The following ACVR1B variants were observed in gnomAD, a reference collection of about 807,000 sequenced individuals.
The protein encoded by ACVR1B is activin A receptor type 1B.
ACVR1B carries 15 observed loss-of-function variants against 55.6 expected under a neutral mutation model. The observed-to-expected ratio is 0.27, with a 90% CI of 0.18 to 0.42. The LOEUF is 0.42. Ranked by LOEUF, ACVR1B falls within the 10% of genes least tolerant of loss-of-function variation. The pLI is 1.00. For missense variants in ACVR1B, 359 were observed against 670.1 expected, an observed-to-expected ratio of 0.54 and a Z score of 5.13; for synonymous variants, 247 against 254.6, an observed-to-expected ratio of 0.97 and a Z score of 0.28.
chr12:51,959,108 C>G (rs926415865), intron 1 of ACVR1B, among the ~76,000 whole-genome samples: 1 of 152,228 alleles, frequency 6.6e-6, no homozygotes, highest in Non-Finnish European at 1.5e-5. Flanking sequence ...CTGCTCCTCA[C>G]TTCCCCAAGA....
chr12:51,962,028 A>G (rs749771925), intron 1 of ACVR1B, among the ~76,000 whole-genome samples: 7 of 152,226 alleles, frequency 4.6e-5, no homozygotes, highest in African/African-American at 7.2e-5. Flanking sequence ...ATAAACATCA[A>G]ACGTCTCTTC....
At chr12:51,953,594 T>TTTA in intron 1 of ACVR1B, 4 of 743,196 alleles carry the variant, frequency 5.4e-6, no homozygotes, top group Non-Finnish European at 6.5e-6. Flanking sequence ...TACTGGGTAG[T>TTTA]AAAAAAAAAA....
intron 1 of ACVR1B, among the ~76,000 whole-genome samples, chr12:51,959,294 C>T (rs1284233056): frequency 6.6e-6 from 1 of 152,176 alleles, no homozygotes; most frequent in African/African-American, 2.4e-5. Context: ...CAGCTGATTG[C>T]ACAAGAGGAA....
chr12:51,979,625 A>G (rs958879113), intron 3 of ACVR1B, among the ~76,000 whole-genome samples: 1 of 152,226 alleles, frequency 6.6e-6, no homozygotes, highest in African/African-American at 2.4e-5. Flanking sequence ...TGAGGAGACC[A>G]GCATGATGTG....
rs76826910 is a variant in ACVR1B at position 51,957,441 on chromosome 12, CAAA to C, written c.91+5624_91+5626del. 5.6e-4 allele frequency among the ~76,000 whole-genome samples: 54 copies of C among 96,216 alleles called. 1 individual carries two copies. The highest frequency in any genetic ancestry group is 9.8e-4 in the African/African-American group (28 of 28,628). The allele number at this position is 96,216 out of a possible 152,430, so 63.1% of individuals were successfully genotyped here. On this transcript the variant is annotated intron_variant, in intron 1 of 8. Coordinates refer to ENST00000257963, the MANE Select transcript of ACVR1B (RefSeq NM_004302.5). ...CCTAGGCAACGGAGTGAGACTCCGT[CAAA>C]AAAAAAAAAAAAAAAAGCCAAAAAC...
At chr12:51,978,061 A>G (rs1941902678) in intron 3 of ACVR1B, among the ~76,000 whole-genome samples, 1 of 152,040 alleles carries the variant, frequency 6.6e-6, no homozygotes, top group Non-Finnish European at 1.5e-5. Flanking sequence ...TTGAGCTGTG[A>G]CATCTCCTGA....
intron 4 of ACVR1B, chr12:51,982,593 C>A: frequency 7.4e-7 from 1 of 1,346,446 alleles, no homozygotes; most frequent in Non-Finnish European, 9.7e-7. Flanking sequence ...GCAGTTGTGA[C>A]ATGACTTGCT....
At chr12:51,974,568 G>A (rs1456421672) in intron 1 of ACVR1B, among the ~76,000 whole-genome samples, 1 of 152,144 alleles carries the variant, frequency 6.6e-6, no homozygotes. Context: ...CTATCCAGGG[G>A]CCTTTCAGGA....
intron 1 of ACVR1B, among the ~76,000 whole-genome samples, chr12:51,955,163 G>C (rs1018415503): frequency 1.3e-5 from 2 of 152,202 alleles, no homozygotes; most frequent in Non-Finnish European, 2.9e-5. Flanking sequence ...GAACATGGAG[G>C]CTGAGAAGTG....
At chr12:51,973,489 C>T (rs1941786846) in intron 1 of ACVR1B, among the ~76,000 whole-genome samples, 1 of 152,138 alleles carries the variant, frequency 6.6e-6, no homozygotes, top group Non-Finnish European at 1.5e-5. Flanking sequence ...ATCAAGTATT[C>T]TGTGAGTTTC....
intron 3 of ACVR1B, among the ~76,000 whole-genome samples, chr12:51,980,184 A>G (rs566565438): frequency 1.1e-4 from 17 of 152,292 alleles, no homozygotes; most frequent in South Asian, 6.2e-4. Flanking sequence ...GAGATAATTT[A>G]TGTAAAGCCC....
rs1428000719 is a variant in ACVR1B at position 51,994,065 on chromosome 12, G to A, written c.1473G>A (p.Lys491=). The stretch of plus-strand genomic sequence containing the variant: ...CCCGCCTGACGGCCCTGCGCATCAA[G>A]AAGACCCTCTCCCAGCTCAGCGTGC... The part of the protein sequence containing the change: ...GAARLTALRI[K]KTLSQLSVQE... The change falls in exon 9 of 9, where the codon AAG becomes AAA. Residue 491 remains lysine, a synonymous_variant. Coordinates refer to ENST00000257963, the MANE Select transcript of ACVR1B (RefSeq NM_004302.5). This position sits in a 1 kb window ranked among gnomAD's most constrained non-coding sequence, Gnocchi z 4.2. 6.2e-7 allele frequency: 1 copy of A among 1,614,148 alleles called. No homozygotes were observed. Among genetic ancestry groups the A allele is most frequent in the South Asian group, 1.1e-5 (1 of 91,092 alleles).
intron 1 of ACVR1B, among the ~76,000 whole-genome samples, chr12:51,970,106 C>T (rs1023549164): frequency 1.3e-5 from 2 of 152,070 alleles, no homozygotes; most frequent in African/African-American, 2.4e-5. Flanking sequence ...AAACCAATAG[C>T]GCATTTGATA....
At position 51,975,383 on chromosome 12, in the gene ACVR1B, C is replaced by A. The variant is rs770655746; in HGVS notation, c.210C>A (p.Ile70=). Residue 70 remains isoleucine (I), a synonymous_variant, in exon 2 of 9, where the codon ATC becomes ATA. Coordinates refer to ENST00000257963, the MANE Select transcript of ACVR1B (RefSeq NM_004302.5). The stretch of plus-strand genomic sequence containing the variant: ...TGGAGCACCATGTGCGCACCTGCAT[C>A]CCCAAAGTGGAGCTGGTCCCTGCCG... The part of the protein sequence containing the change: ...DGMEHHVRTC[I]PKVELVPAGK... 1 of 1,614,196 alleles carries A rather than the reference C, an allele frequency of 6.2e-7. No homozygotes were observed. Among genetic ancestry groups the A allele is most frequent in the South Asian group, 1.1e-5 (1 of 91,080 alleles).
chr12:51,972,395 T>C (rs1941761790), intron 1 of ACVR1B, among the ~76,000 whole-genome samples: 1 of 152,230 alleles, frequency 6.6e-6, no homozygotes, highest in South Asian at 2.1e-4. Context: ...CTTCACCTTT[T>C]CTATGTTAGA....
In ACVR1B at chr12:51,984,132, G is replaced by A. The variant is rs1187689222; in HGVS notation, c.945G>A (p.Leu315=). The A allele has an allele frequency of 1.2e-6, 2 of 1,614,196 alleles. No homozygotes were observed. The highest frequency in any genetic ancestry group is 4.5e-5 in the East Asian group (2 of 44,888). The change falls in exon 5 of 9, where the codon CTG becomes CTA. Residue 315 remains leucine (L), a synonymous_variant. Transcript: ENST00000257963. The part of the protein sequence containing the change: ...IKLALSAASG[L]AHLHMEIVGT... ...TGGCCTTGTCTGCTGCTAGTGGGCTGGCACACCTGCACATGGAGATCGTGG... is the reference window on the plus strand; with the variant it reads ...TGGCCTTGTCTGCTGCTAGTGGGCTAGCACACCTGCACATGGAGATCGTGG...
intron 1 of ACVR1B, among the ~76,000 whole-genome samples, chr12:51,975,003 A>G (rs1941820250): frequency 6.6e-6 from 1 of 152,168 alleles, no homozygotes; most frequent in Non-Finnish European, 1.5e-5. Flanking sequence ...AGGCATCTCA[A>G]TTTGAAGAAA....
chr12:51,969,040 A>T (rs1327423450), intron 1 of ACVR1B, among the ~76,000 whole-genome samples: 2 of 152,216 alleles, frequency 1.3e-5, no homozygotes, highest in Non-Finnish European at 2.9e-5. Context: ...AACAGCCAGC[A>T]TCATGCGCCA....
Position 51,951,725 on chromosome 12 carries a change from G to GGCT in ACVR1B, c.-17_-16insTGC. 1 of 1,212,232 alleles carries GGCT rather than the reference G, an allele frequency of 8.2e-7. No homozygotes were observed. Among genetic ancestry groups the GGCT allele is most frequent in the Non-Finnish European group, 1.0e-6 (1 of 964,012 alleles). 75.1% of individuals were successfully genotyped at this position (1,212,232 alleles called of 1,614,324 possible). On this transcript the variant is annotated 5_prime_UTR_variant, in exon 1 of 9. Coordinates refer to ENST00000257963, the MANE Select transcript of ACVR1B (RefSeq NM_004302.5). The stretch of plus-strand genomic sequence containing the variant: ...GGCGCTGCTGGGCTGCGGCGGCGGC[G>GGCT]GCGGCGGCGGTGGTTACTATGGCGG...
Sources: allele counts gnomAD v4.1 joint callset (sites outside exome capture counted in the v4.1 genomes callset), GRCh38; gene constraint gnomAD v4.1.1; non-coding constraint Gnocchi (gnomAD v3.1); transcripts MANE v1.5; gene names NCBI Gene and HGNC (gene_info 2026-07-23, HGNC 2026-07-21).